Variants in SLC24A1 observed in about 807,000 individuals in gnomAD.
SLC24A1 encodes the protein sodium/potassium/calcium exchanger 1.
Under a neutral mutation model 88.1 loss-of-function variants are expected in SLC24A1, and 52 were observed. The observed-to-expected ratio is 0.59, with a 90% CI of 0.47 to 0.74. The LOEUF is 0.74. Ranked by LOEUF, SLC24A1 falls within the 30% of genes least tolerant of loss-of-function variation. SLC24A1 has a pLI of 0.00. For missense variants in SLC24A1, 1,173 were observed against 1,363.3 expected (o/e 0.86, Z 2.20); for synonymous variants, 455 against 498.0 (o/e 0.91, Z 1.15).
chr15:65,659,321 G>GTTTTTTTTTTTTT (rs1491492345), downstream of SLC24A1: 66 of 66,670 alleles, frequency 9.9e-4, 26 homozygotes, highest in East Asian at 1.3e-3. Context: ...GATATTTTCT[G>GTTTTTTTTTTTTT]GTTTTTTTTT....
chr15:65,655,450 C>T lies in SLC24A1; in HGVS notation c.*1371C>T. 1 of 985,266 alleles carries T rather than the reference C, an allele frequency of 1.0e-6. No homozygotes were observed. The highest frequency in any genetic ancestry group is 4.7e-5 in the South Asian group (1 of 21,278). 61.0% of individuals were successfully genotyped at this position (985,266 alleles called of 1,614,324 possible). ...CTTCCAAGGTAGCTAGTGTAAAGGACACTTGAGTTTTTAAAACTGTGGTTA... is the reference window on the plus strand; with the variant it reads ...CTTCCAAGGTAGCTAGTGTAAAGGATACTTGAGTTTTTAAAACTGTGGTTA... On this transcript the variant is annotated 3_prime_UTR_variant, in exon 10 of 10. Coordinates refer to ENST00000261892, the MANE Select transcript of SLC24A1 (RefSeq NM_004727.3).
At chr15:65,648,948 T>C (rs1015034862) in intron 6 of SLC24A1, among the ~76,000 whole-genome samples, 8 of 152,166 alleles carry the variant, frequency 5.3e-5, no homozygotes, top group Non-Finnish European at 7.3e-5. Context: ...CAGCTATCAA[T>C]GGCTTTTAGG....
intron 3 of SLC24A1, 141 bp from the exon 4 acceptor site, chr15:65,639,453 TG>T (rs2075047692): frequency 1.6e-6 from 1 of 610,634 alleles, no homozygotes; most frequent in Admixed American, 2.5e-5. Context: ...TGGTTGGAGG[TG>T]GAGGAAGAGG....
intron 6 of SLC24A1, among the ~76,000 whole-genome samples, chr15:65,646,893 G>A (rs905227977): frequency 7.2e-5 from 11 of 152,200 alleles, no homozygotes; most frequent in African/African-American, 2.7e-4. Context: ...GCTAGCTCAA[G>A]TAAAAAGGAT....
At chr15:65,659,350 T>TTTTTTTA (rs1158901929), downstream of SLC24A1, 1 of 137,302 alleles carries the variant, frequency 7.3e-6, no homozygotes. Context: ...TTTTTTTTTT[T>TTTTTTTA]TGAGACAGGG....
chr15:65,631,276 G>A (rs2074715385), intron 2 of SLC24A1, among the ~76,000 whole-genome samples: 1 of 152,192 alleles, frequency 6.6e-6, no homozygotes, highest in South Asian at 2.1e-4. Flanking sequence ...ATTTCTAGAT[G>A]CTCTGCCACC....
At chr15:65,660,958 T>C (rs1473962663), downstream of SLC24A1, 1 of 152,200 alleles carries the variant, frequency 6.6e-6, no homozygotes, top group East Asian at 1.9e-4. Context: ...TATTTCCCAA[T>C]GTAAGTTTTC....
chr15:65,656,225 T>G lies in SLC24A1; in HGVS notation c.*2146T>G, dbSNP rs77255459. 2 of 984,912 alleles carry G rather than the reference T, an allele frequency of 2.0e-6. No homozygotes were observed. Among genetic ancestry groups the G allele is most frequent in the Non-Finnish European group, 2.4e-6 (2 of 829,448 alleles). The allele number at this position is 984,912 out of a possible 1,614,324, so 61.0% of individuals were successfully genotyped here. On this transcript the variant is annotated 3_prime_UTR_variant, in exon 10 of 10. Coordinates refer to ENST00000261892, the MANE Select transcript of SLC24A1 (RefSeq NM_004727.3). ...TGTGTAATGATAAAAGGCTGAAATA[T>G]CCACTGAATGATTAAAACCAACTCT...
intron 4 of SLC24A1, chr15:65,644,212 G>T: frequency 1.7e-6 from 1 of 576,870 alleles, no homozygotes. Context: ...CAGCCAGTCA[G>T]TGACAATGCA....
chr15:65,654,433 A>G lies in SLC24A1; in HGVS notation c.*354A>G. ...AGCTATAAGACAAGCTCCTACGCTCACTGTTCCCTGATCATTCCAAAGGCT... is the reference window on the plus strand; with the variant it reads ...AGCTATAAGACAAGCTCCTACGCTCGCTGTTCCCTGATCATTCCAAAGGCT... On this transcript the variant is annotated 3_prime_UTR_variant, in exon 10 of 10. Transcript: ENST00000261892. 8.6e-7 allele frequency: 1 copy of G among 1,164,118 alleles called. No individual in the cohort carries two copies. Among genetic ancestry groups the G allele is most frequent in the Non-Finnish European group, 1.1e-6 (1 of 936,622 alleles). The allele number at this position is 1,164,118 out of a possible 1,614,324, so 72.1% of individuals were successfully genotyped here.
chr15:65,626,496 T>G (rs773794095), intron 2 of SLC24A1, among the ~76,000 whole-genome samples: 4 of 152,166 alleles, frequency 2.6e-5, no homozygotes, highest in Non-Finnish European at 5.9e-5. Context: ...GGATGGCGTC[T>G]GAGAAGGGGG....
At position 65,626,098 on chromosome 15, in the gene SLC24A1, T is replaced by G. The variant is rs559462560; in HGVS notation, c.1890+128T>G. 27 of 739,750 alleles carry G rather than the reference T, an allele frequency of 3.6e-5. No homozygotes were observed. In the South Asian group the frequency reaches 3.8e-4, roughly 10 times the overall value. The allele number at this position is 739,750 out of a possible 1,614,324, so 45.8% of individuals were successfully genotyped here. ...AATGCTCTGGTTCCCTTACTATTTA[T>G]TCAACATTTATAGAGTACCTGTTCT... On this transcript the variant is annotated intron_variant, in intron 2 of 9. Coordinates refer to ENST00000261892, the MANE Select transcript of SLC24A1 (RefSeq NM_004727.3).
chr15:65,628,327 C>T (rs2141495041), intron 2 of SLC24A1, among the ~76,000 whole-genome samples: 1 of 152,260 alleles, frequency 6.6e-6, no homozygotes, highest in Non-Finnish European at 1.5e-5. Context: ...GATCATAAGT[C>T]TGGTCACATC....
chr15:65,621,734 A>G (rs1278268849), upstream of SLC24A1, among the ~76,000 whole-genome samples: 2 of 152,152 alleles, frequency 1.3e-5, no homozygotes, highest in East Asian at 3.9e-4. Flanking sequence ...CTCATAGCTT[A>G]GAAACAAGTT....
At position 65,650,472 on chromosome 15, in the gene SLC24A1, G is replaced by C. The variant is rs991898796; in HGVS notation, c.2323G>C (p.Gly775Arg). The C allele has an allele frequency of 1.7e-5, 26 of 1,551,534 alleles. No homozygotes were observed. The highest frequency in any genetic ancestry group is 2.3e-5 in the Non-Finnish European group (26 of 1,146,990). ...AGGTGAAACTGAAGAGAAAAGTGGA[G>C]GTGAAACTCAACCAGAAGGTGAAGG... ...GEGETEEKSG[G>R]ETQPEGEGET... The change falls in exon 7 of 10, where the codon GGT (glycine) becomes CGT (arginine). Residue 775 changes from glycine (G) to arginine (R), a missense_variant. Physicochemically the swap from Gly to Arg is moderately radical, Grantham distance 125. Transcript: ENST00000261892. This position sits in a 1 kb window ranked among gnomAD's most constrained non-coding sequence, Gnocchi z 4.1.
At chr15:65,653,374 T>A (rs2075568095) in intron 9 of SLC24A1, among the ~76,000 whole-genome samples, 1 of 152,148 alleles carries the variant, frequency 6.6e-6, no homozygotes, top group South Asian at 2.1e-4. Context: ...GTATTTGGGG[T>A]GAGGGGCAGC....
chr15:65,654,366 C>T lies in SLC24A1; in HGVS notation c.*287C>T. On this transcript the variant is annotated 3_prime_UTR_variant, in exon 10 of 10. Coordinates refer to ENST00000261892, the MANE Select transcript of SLC24A1 (RefSeq NM_004727.3). ...AGGACCCCTGGAGCCAGAGGGTTTT[C>T]TAAATGAGATAACTGGGGGCAAAGG... 8.2e-7 allele frequency: 1 copy of T among 1,215,218 alleles called. No individual in the cohort carries two copies. Among genetic ancestry groups the T allele is most frequent in the South Asian group, 2.2e-5 (1 of 46,318 alleles). 75.3% of individuals were successfully genotyped at this position (1,215,218 alleles called of 1,614,324 possible).
intron 5 of SLC24A1, among the ~76,000 whole-genome samples, chr15:65,645,221 C>G (rs554598425): frequency 6.6e-6 from 1 of 152,352 alleles, no homozygotes; most frequent in South Asian, 2.1e-4. Flanking sequence ...TCCCGTCAGT[C>G]CTGTTCCAAG....
intron 2 of SLC24A1, among the ~76,000 whole-genome samples, chr15:65,635,206 C>G (rs1265487335): frequency 6.6e-6 from 1 of 151,778 alleles, no homozygotes; most frequent in Non-Finnish European, 1.5e-5. Flanking sequence ...AACTCTTGGC[C>G]AGGCGCAGTG....
Sources: allele counts gnomAD v4.1 joint callset (sites outside exome capture counted in the v4.1 genomes callset), GRCh38; gene constraint gnomAD v4.1.1; non-coding constraint Gnocchi (gnomAD v3.1); transcripts MANE v1.5; gene names NCBI Gene and HGNC (gene_info 2026-07-23, HGNC 2026-07-21).